Variants in SEMA5A observed in about 807,000 individuals in gnomAD.
SEMA5A encodes semaphorin 5A.
A neutral mutation model predicts 135.5 loss-of-function variants in SEMA5A; 55 were observed. That is an observed-to-expected ratio of 0.41 (90% CI 0.33 to 0.51). SEMA5A has a LOEUF of 0.51. Among genes scored for constraint, SEMA5A ranks in the 20% least tolerant of loss-of-function variants. SEMA5A has a pLI of 0.37. For missense variants in SEMA5A, 1,290 were observed against 1,419.9 expected (o/e 0.91, Z 1.47); for synonymous variants, 580 against 546.5 (o/e 1.06, Z -0.85).
chr5:9,194,037 C>T (rs1745255990), intron 10 of SEMA5A, among the ~76,000 whole-genome samples: 1 of 152,204 alleles, frequency 6.6e-6, no homozygotes, highest in Non-Finnish European at 1.5e-5. Flanking sequence ...TCCATTTCAA[C>T]TCCATCCTTT....
At position 9,193,666 on chromosome 5, in the gene SEMA5A, G is replaced by A. The variant is rs911758477; in HGVS notation, c.1069-3195C>T. 2.0e-5 allele frequency among the ~76,000 whole-genome samples: 3 copies of A among 152,228 alleles called. No homozygotes were observed. The East Asian group carries it at 5.8e-4, about 30-fold the overall frequency. ...TGTAATCCTAGCACTTTGAGAGGCC[G>A]AGACAAGTGGATCACGAGGTCAGGA... is the stretch of plus-strand genomic sequence containing the variant. On this transcript the variant is annotated intron_variant, in intron 10 of 22. Transcript: ENST00000382496.
chr5:9,534,530 C>T (rs1041445793), intron 1 of SEMA5A, among the ~76,000 whole-genome samples: 5 of 152,022 alleles, frequency 3.3e-5, no homozygotes, highest in African/African-American at 1.2e-4. Context: ...ATGATGGAGC[C>T]CACTCTGAGG....
chr5:9,139,357 A>AT (rs755145517), intron 12 of SEMA5A, among the ~76,000 whole-genome samples: 13 of 152,212 alleles, frequency 8.5e-5, no homozygotes, highest in African/African-American at 1.4e-4. Flanking sequence ...AACCAACAAT[A>AT]TGGGAGTGCC....
chr5:9,521,976 G>T (rs459793), intron 1 of SEMA5A, among the ~76,000 whole-genome samples: 44,199 of 151,990 alleles, frequency 0.29, 6,541 homozygotes, highest in Non-Finnish European at 0.31. Flanking sequence ...GTGCCACTGA[G>T]AGGCTCCACC....
At chr5:9,301,023 G>T (rs1454089880) in intron 5 of SEMA5A, among the ~76,000 whole-genome samples, 3 of 152,120 alleles carry the variant, frequency 2.0e-5, no homozygotes, top group Non-Finnish European at 2.9e-5. Context: ...TCCCTAGAAA[G>T]CTAATACACT....
At chr5:9,285,664 C>G (rs1386676349) in intron 5 of SEMA5A, among the ~76,000 whole-genome samples, 1 of 152,216 alleles carries the variant, frequency 6.6e-6, no homozygotes, top group Non-Finnish European at 1.5e-5. Context: ...CCCTGCCAAT[C>G]ATTCCTCCAC....
chr5:9,442,358 T>C (rs912638982), intron 1 of SEMA5A, among the ~76,000 whole-genome samples: 1 of 152,158 alleles, frequency 6.6e-6, no homozygotes, highest in Non-Finnish European at 1.5e-5. Context: ...CATACATCCT[T>C]GTGGGGGAAG....
intron 16 of SEMA5A, among the ~76,000 whole-genome samples, chr5:9,087,651 A>T (rs952988575): frequency 7.2e-5 from 11 of 152,012 alleles, no homozygotes; most frequent in African/African-American, 2.7e-4. Flanking sequence ...ACACACACAC[A>T]CTTTCATATA....
intron 2 of SEMA5A, among the ~76,000 whole-genome samples, chr5:9,397,066 G>A (rs1756438841): frequency 6.6e-6 from 1 of 151,294 alleles, no homozygotes; most frequent in South Asian, 2.1e-4. Context: ...AAAAAAATAG[G>A]ACCAAAGAAG....
intron 2 of SEMA5A, among the ~76,000 whole-genome samples, chr5:9,413,826 T>A (rs1757189606): frequency 6.6e-6 from 1 of 152,208 alleles, no homozygotes; most frequent in African/African-American, 2.4e-5. Flanking sequence ...ATAATGTACA[T>A]GTTTCTGAAA....
intron 2 of SEMA5A, among the ~76,000 whole-genome samples, chr5:9,407,168 G>T (rs1429614633): frequency 6.6e-6 from 1 of 152,186 alleles, no homozygotes; most frequent in Non-Finnish European, 1.5e-5. Context: ...GGAGAAGGCA[G>T]AATTGCTCTC....
At chr5:9,375,127 A>G (rs1017913049) in intron 3 of SEMA5A, among the ~76,000 whole-genome samples, 2 of 152,108 alleles carry the variant, frequency 1.3e-5, no homozygotes, top group Non-Finnish European at 2.9e-5. Flanking sequence ...CCTTTGATAT[A>G]TCCCCACACA....
intron 18 of SEMA5A, 38 bp from the exon 19 acceptor site, chr5:9,054,295 C>T: frequency 1.9e-6 from 3 of 1,582,356 alleles, no homozygotes; most frequent in Non-Finnish European, 2.6e-6. Flanking sequence ...TTCTATAATC[C>T]AATCCCAACC....
chr5:9,044,511 G>A lies in SEMA5A; in HGVS notation c.2967C>T (p.Val989=). ...SILGCLLTLL[V]YTYCQRYQQQ... ...GCTGGTACCGCTGGCAGTAAGTATA[G>A]ACGAGCAGGGTGAGGAGGCAGCCGA... Residue 989 remains valine (V), a synonymous_variant, in exon 22 of 23, where the codon GTC becomes GTT. Transcript: ENST00000382496. The A allele has an allele frequency of 1.9e-6, 3 of 1,614,064 alleles. No individual in the cohort carries two copies. Among genetic ancestry groups the A allele is most frequent in the Non-Finnish European group, 2.5e-6 (3 of 1,180,036 alleles).
chr5:9,146,796 T>C (rs1426615402), intron 12 of SEMA5A, among the ~76,000 whole-genome samples: 1 of 152,132 alleles, frequency 6.6e-6, no homozygotes, highest in Non-Finnish European at 1.5e-5. Context: ...ATAAATATAA[T>C]ATAAAGGAAT....
At chr5:9,423,124 A>G (rs1035380672) in intron 2 of SEMA5A, among the ~76,000 whole-genome samples, 3 of 152,186 alleles carry the variant, frequency 2.0e-5, no homozygotes, top group African/African-American at 7.2e-5. Context: ...GGAGAATCAC[A>G]TAATTTTAAA....
intron 5 of SEMA5A, among the ~76,000 whole-genome samples, chr5:9,284,972 C>T (rs1344748219): frequency 6.6e-6 from 1 of 152,162 alleles, no homozygotes; most frequent in Non-Finnish European, 1.5e-5. Context: ...TAAACTCTAC[C>T]AGTCTGAGGC....
At chr5:9,304,669 T>C (rs1462645691) in intron 5 of SEMA5A, among the ~76,000 whole-genome samples, 2 of 152,192 alleles carry the variant, frequency 1.3e-5, no homozygotes, top group African/African-American at 2.4e-5. Flanking sequence ...CAGTTAGAAA[T>C]ATTATTCACT....
At chr5:9,093,686 C>G (rs1242892775) in intron 16 of SEMA5A, among the ~76,000 whole-genome samples, 1 of 147,656 alleles carries the variant, frequency 6.8e-6, no homozygotes, top group Non-Finnish European at 1.5e-5. Flanking sequence ...GAGTGAGACT[C>G]TGTCTCAAAA....
Sources: allele counts gnomAD v4.1 joint callset (sites outside exome capture counted in the v4.1 genomes callset), GRCh38; gene constraint gnomAD v4.1.1; transcripts MANE v1.5; gene names NCBI Gene and HGNC (gene_info 2026-07-23, HGNC 2026-07-21).